Variants in RASGRF2 observed in about 807,000 individuals in gnomAD.
RASGRF2 encodes the protein ras-specific guanine nucleotide-releasing factor 2.
Under a neutral mutation model 151.0 loss-of-function variants are expected in RASGRF2, and 76 were observed. The observed-to-expected ratio is 0.50, with a 90% CI of 0.42 to 0.61. The LOEUF (loss-of-function observed/expected upper bound fraction) is 0.61, where lower values mean the gene tolerates loss of function less well. Ranked by LOEUF, RASGRF2 falls within the 20% of genes least tolerant of loss-of-function variation. The pLI is 0.00. For synonymous variants in RASGRF2, 504 were observed against 566.5 expected (o/e 0.89, Z 1.57); for missense variants, 1,148 against 1,564.6 (o/e 0.73, Z 4.49).
intron 2 of RASGRF2, among the ~76,000 whole-genome samples, chr5:81,065,363 G>T (rs1160626324): frequency 6.6e-6 from 1 of 152,116 alleles, no homozygotes; most frequent in Non-Finnish European, 1.5e-5. Flanking sequence ...CTCTCTTAAA[G>T]CCTTTCCCTT....
At chr5:80,990,930 A>G (rs78741128) in intron 1 of RASGRF2, among the ~76,000 whole-genome samples, 2,207 of 152,332 alleles carry the variant, frequency 0.014, 55 homozygotes, top group African/African-American at 0.047. Flanking sequence ...TTTGTAGGTC[A>G]TAGGAGTTTG....
chr5:80,994,887 C>A (rs1292117396), intron 1 of RASGRF2, among the ~76,000 whole-genome samples: 1 of 152,256 alleles, frequency 6.6e-6, no homozygotes, highest in South Asian at 2.1e-4. Flanking sequence ...TGCTCATCTC[C>A]CTGAATTTGG....
rs1463961692 is a variant in RASGRF2, at chr5:81,113,901, A to G, written c.2451A>G (p.Leu817=). 6.2e-7 allele frequency: 1 copy of G among 1,613,568 alleles called. No homozygotes were observed. Residue 817 remains leucine (L), a synonymous_variant, in exon 15 of 27, where the codon CTA becomes CTG. Coordinates refer to ENST00000265080, the MANE Select transcript of RASGRF2 (RefSeq NM_006909.3). ...CACGCGTGGATCTGTGTAACAAGCT[A>G]AAACGAAGTATTCAAAAAGGTATTA... The part of the protein sequence containing the change: ...DNPRVDLCNK[L]KRSIQKAVLE...
chr5:81,215,196 G>A (rs545348437), intron 23 of RASGRF2, among the ~76,000 whole-genome samples: 6 of 151,690 alleles, frequency 4.0e-5, no homozygotes, highest in South Asian at 2.1e-4. Context: ...AAAGTTAGCC[G>A]CATGTGGTGG....
At chr5:81,141,572 A>T (rs1459295135) in intron 17 of RASGRF2, among the ~76,000 whole-genome samples, 1 of 152,214 alleles carries the variant, frequency 6.6e-6, no homozygotes, top group Non-Finnish European at 1.5e-5. Context: ...CCTCTAATCC[A>T]TATTAACTTC....
chr5:81,012,792 G>A (rs558358284), intron 1 of RASGRF2, among the ~76,000 whole-genome samples: 1 of 152,128 alleles, frequency 6.6e-6, no homozygotes, highest in Admixed American at 6.5e-5. Context: ...GAGGCACAAG[G>A]AAAAAGCCCA....
intron 1 of RASGRF2, among the ~76,000 whole-genome samples, chr5:80,968,706 C>T (rs142389316): frequency 6.2e-4 from 94 of 152,250 alleles, no homozygotes; most frequent in African/African-American, 2.0e-3. Context: ...AAAATTGAGA[C>T]GGAGTCTTGC....
At chr5:81,162,849 T>A (rs1038693512) in intron 17 of RASGRF2, among the ~76,000 whole-genome samples, 1 of 152,192 alleles carries the variant, frequency 6.6e-6, no homozygotes, top group African/African-American at 2.4e-5. Context: ...ATGAGCTAAT[T>A]TCCGTGGGAA....
intron 1 of RASGRF2, among the ~76,000 whole-genome samples, chr5:80,975,767 G>A (rs1430690666): frequency 6.6e-6 from 1 of 151,934 alleles, no homozygotes; most frequent in South Asian, 2.1e-4. Flanking sequence ...TTTAAACTTG[G>A]CTTTTAGGTA....
At chr5:81,038,816 T>C (rs1750591926) in intron 1 of RASGRF2, among the ~76,000 whole-genome samples, 1 of 152,140 alleles carries the variant, frequency 6.6e-6, no homozygotes, top group Non-Finnish European at 1.5e-5. Flanking sequence ...ACTCAAGCAG[T>C]CCTCCTGCCT....
intron 2 of RASGRF2, 49 bp from the exon 3 acceptor site, chr5:81,067,981 CTA>C (rs770852328): frequency 1.3e-6 from 2 of 1,485,704 alleles, no homozygotes; most frequent in Non-Finnish European, 1.8e-6. Context: ...ATATGGAACT[CTA>C]TATAGTAGAA....
intron 1 of RASGRF2, among the ~76,000 whole-genome samples, chr5:80,974,738 A>G (rs1748054559): frequency 6.6e-6 from 1 of 152,226 alleles, no homozygotes; most frequent in Non-Finnish European, 1.5e-5. Context: ...AGAGTCACAA[A>G]GTCTTTATGA....
intron 1 of RASGRF2, among the ~76,000 whole-genome samples, chr5:81,032,326 T>G (rs1194959228): frequency 6.6e-6 from 1 of 152,188 alleles, no homozygotes; most frequent in African/African-American, 2.4e-5. Flanking sequence ...TACCAAAGCC[T>G]GGCAGAGACA....
At chr5:80,966,033 C>T (rs1267569629) in intron 1 of RASGRF2, among the ~76,000 whole-genome samples, 1 of 151,352 alleles carries the variant, frequency 6.6e-6, no homozygotes, top group Non-Finnish European at 1.5e-5. Flanking sequence ...TTTAAAGTGG[C>T]TTTCTATTTT....
intron 1 of RASGRF2, among the ~76,000 whole-genome samples, chr5:81,008,505 C>CTTAATCTTATAATGTTAT (rs1156314967): frequency 2.0e-5 from 3 of 152,166 alleles, no homozygotes; most frequent in African/African-American, 7.2e-5. Flanking sequence ...TGCACTGTTA[C>CTTAATCTTATAATGTTAT]TTAATCTTAT....
rs145805696 is a variant in RASGRF2 at position 81,121,094 on chromosome 5, T to TTG, written c.2471-2531_2471-2530dup. ...CACTACTTCAGCATGAGTCTGAAAG[T>TTG]TGTGTGTGTGTGTGTGTGATGTCTG... On this transcript the variant is annotated intron_variant, in intron 15 of 26. Coordinates refer to ENST00000265080, the MANE Select transcript of RASGRF2 (RefSeq NM_006909.3). 1.9e-3 allele frequency among the ~76,000 whole-genome samples: 288 copies of TTG among 151,316 alleles called. 1 individual carries two copies. Among genetic ancestry groups the TTG allele is most frequent in the African/African-American group, 6.3e-3 (261 of 41,320 alleles).
At chr5:81,181,293 A>C (rs1754911837) in intron 18 of RASGRF2, among the ~76,000 whole-genome samples, 3 of 152,326 alleles carry the variant, frequency 2.0e-5, no homozygotes, top group Non-Finnish European at 2.9e-5. Flanking sequence ...CCATGAGGGC[A>C]GGCTCCTGAA....
intron 1 of RASGRF2, among the ~76,000 whole-genome samples, chr5:80,980,877 G>A (rs1288507809): frequency 6.6e-6 from 1 of 152,098 alleles, no homozygotes; most frequent in African/African-American, 2.4e-5. Context: ...TTTTTACCTG[G>A]TAGCCTTGTT....
intron 16 of RASGRF2, 22 bp downstream of exon 16, chr5:81,123,789 A>C: frequency 6.3e-7 from 1 of 1,597,406 alleles, no homozygotes; most frequent in Non-Finnish European, 8.5e-7. Flanking sequence ...AGAGGGACTC[A>C]GAAATAGAAA....
Sources: gnomAD v4.1 joint callset for allele counts (sites outside exome capture counted in the v4.1 genomes callset) on GRCh38, gnomAD v4.1.1 for gene constraint, MANE v1.5 for transcripts, NCBI Gene and HGNC (gene_info 2026-07-23, HGNC 2026-07-21) for gene names.